The following PTPRD variants were observed in gnomAD, a reference collection of about 807,000 sequenced individuals.
PTPRD encodes the protein protein tyrosine phosphatase receptor type D, also known as receptor-type tyrosine-protein phosphatase delta.
A neutral mutation model predicts 214.5 loss-of-function variants in PTPRD; 34 were observed. The observed-to-expected ratio is 0.16, with a 90% confidence interval of 0.12 to 0.21. PTPRD has a LOEUF of 0.21. PTPRD is among the 10% of genes least tolerant of loss of function. The pLI is 1.00. For missense variants in PTPRD, 2,545 were observed against 2,398.7 expected (o/e 1.06, Z -1.27); for synonymous variants, 1,128 against 845.7 (o/e 1.33, Z -5.79).
intron 12 of PTPRD, among the ~76,000 whole-genome samples, chr9:8,656,183 T>C (rs2096906003): frequency 6.6e-6 from 1 of 152,182 alleles, no homozygotes; most frequent in Non-Finnish European, 1.5e-5. Flanking sequence ...TGAGACCAGA[T>C]CCTGAATCAG....
intron 39 of PTPRD, among the ~76,000 whole-genome samples, chr9:8,342,604 CT>C (rs1428791431): frequency 7.9e-5 from 12 of 152,040 alleles, no homozygotes; most frequent in Admixed American, 2.0e-4. Flanking sequence ...ATATTACCAT[CT>C]TAGGTAACAG....
Position 9,661,238 on chromosome 9 carries a change from G to C in PTPRD, c.-287+73295C>G, listed in dbSNP as rs1477679370. 2.0e-5 allele frequency among the ~76,000 whole-genome samples: 3 copies of C among 151,822 alleles called. No homozygotes were observed. In the East Asian group the frequency reaches 5.8e-4, roughly 29 times the overall value. ...TCTCTACATTCCATTTTCTAATTAA[G>C]ACTCGATTTTCAATAAATAAAAACT... On this transcript the variant is annotated intron_variant, in intron 7 of 45. Transcript: ENST00000381196.
chr9:9,979,896 G>A (rs556052848), intron 4 of PTPRD, among the ~76,000 whole-genome samples: 3 of 152,122 alleles, frequency 2.0e-5, no homozygotes, highest in South Asian at 2.1e-4. Context: ...GGCAAAATAC[G>A]GGATGCTTGA....
intron 10 of PTPRD, among the ~76,000 whole-genome samples, chr9:9,127,590 C>T (rs1463764080): frequency 6.6e-6 from 1 of 152,048 alleles, no homozygotes; most frequent in African/African-American, 2.4e-5. Flanking sequence ...AAAGACTAGT[C>T]CAAAGTTCTG....
chr9:9,277,108 C>T (rs1945951458), intron 9 of PTPRD, among the ~76,000 whole-genome samples: 1 of 151,424 alleles, frequency 6.6e-6, no homozygotes, highest in Non-Finnish European at 1.5e-5. Context: ...TTTATCTCCT[C>T]TCCTAAACTA....
At chr9:10,494,010 A>C (rs952761368) in intron 2 of PTPRD, among the ~76,000 whole-genome samples, 1 of 151,880 alleles carries the variant, frequency 6.6e-6, no homozygotes, top group Non-Finnish European at 1.5e-5. Context: ...TCTTAGCATA[A>C]ATTTGTATAC....
At chr9:8,821,287 CTG>C (rs2097057356) in intron 11 of PTPRD, among the ~76,000 whole-genome samples, 1 of 151,866 alleles carries the variant, frequency 6.6e-6, no homozygotes, top group Admixed American at 6.6e-5. Flanking sequence ...CTCTCTCTCT[CTG>C]TCTCTCTCTC....
intron 11 of PTPRD, among the ~76,000 whole-genome samples, chr9:8,778,269 A>C (rs888302876): frequency 6.6e-6 from 1 of 152,222 alleles, no homozygotes; most frequent in Non-Finnish European, 1.5e-5. Flanking sequence ...AGTAATAAAG[A>C]TTATTCCCTT....
chr9:8,790,056 A>C (rs2096161247), intron 11 of PTPRD, among the ~76,000 whole-genome samples: 1 of 152,116 alleles, frequency 6.6e-6, no homozygotes, highest in Non-Finnish European at 1.5e-5. Context: ...TCACTGGGTC[A>C]CTCAGGCTGA....
chr9:9,874,665 G>A (rs541345215), intron 5 of PTPRD, among the ~76,000 whole-genome samples: 2 of 152,202 alleles, frequency 1.3e-5, no homozygotes, highest in South Asian at 4.1e-4. Context: ...TTTCTATCAA[G>A]CAATATGTTC....
chr9:10,393,518 T>A (rs550236927), intron 2 of PTPRD, among the ~76,000 whole-genome samples: 1 of 151,486 alleles, frequency 6.6e-6, no homozygotes, highest in Non-Finnish European at 1.5e-5. Flanking sequence ...GGGCCAGGTA[T>A]GATGACTCAT....
At chr9:9,763,098 C>T (rs563445702) in intron 6 of PTPRD, among the ~76,000 whole-genome samples, 1 of 152,310 alleles carries the variant, frequency 6.6e-6, no homozygotes, top group South Asian at 2.1e-4. Context: ...ATTAGGATCC[C>T]ACCTTTATGA....
At chr9:9,603,289 C>A (rs1198225016) in intron 7 of PTPRD, among the ~76,000 whole-genome samples, 1 of 152,118 alleles carries the variant, frequency 6.6e-6, no homozygotes. Flanking sequence ...CTTGCATAGG[C>A]ATGAGTCAGA....
intron 5 of PTPRD, among the ~76,000 whole-genome samples, chr9:9,870,913 G>A (rs945230629): frequency 2.0e-5 from 3 of 152,036 alleles, no homozygotes; most frequent in African/African-American, 7.2e-5. Context: ...TCAACTTTCT[G>A]TACATGTGAA....
intron 8 of PTPRD, among the ~76,000 whole-genome samples, chr9:9,430,185 A>C (rs1265328469): frequency 6.6e-6 from 1 of 152,218 alleles, no homozygotes; most frequent in Non-Finnish European, 1.5e-5. Context: ...CCTTAAGCTG[A>C]TAAGCAACTT....
intron 12 of PTPRD, among the ~76,000 whole-genome samples, chr9:8,691,512 C>G (rs533184266): frequency 1.2e-4 from 18 of 152,220 alleles, no homozygotes; most frequent in African/African-American, 4.3e-4. Flanking sequence ...ACAAACCTCT[C>G]CTGGTTGGTC....
chr9:10,100,066 A>G (rs1195356483), intron 3 of PTPRD, among the ~76,000 whole-genome samples: 1 of 151,666 alleles, frequency 6.6e-6, no homozygotes, highest in Non-Finnish European at 1.5e-5. Flanking sequence ...CTTAATGAGT[A>G]ACATTATTAA....
At chr9:8,606,748 T>G (rs2154283159) in intron 14 of PTPRD, among the ~76,000 whole-genome samples, 1 of 152,346 alleles carries the variant, frequency 6.6e-6, no homozygotes, top group East Asian at 1.9e-4. Flanking sequence ...GGAAGGTCAT[T>G]TTTATATCTA....
chr9:9,373,368 T>C (rs2060023119), intron 9 of PTPRD, among the ~76,000 whole-genome samples: 1 of 152,094 alleles, frequency 6.6e-6, no homozygotes, highest in Non-Finnish European at 1.5e-5. Flanking sequence ...TAGAAATGCT[T>C]GTTATTAGTA....
Sources: allele counts gnomAD v4.1 joint callset (sites outside exome capture counted in the v4.1 genomes callset), GRCh38; gene constraint gnomAD v4.1.1; transcripts MANE v1.5; gene names NCBI Gene and HGNC (gene_info 2026-07-23, HGNC 2026-07-21).